The following FLRT1 variants were observed in gnomAD, a reference collection of about 807,000 sequenced individuals.
FLRT1 encodes fibronectin leucine rich transmembrane protein 1, also known as leucine-rich repeat transmembrane protein FLRT1.
A neutral mutation model predicts 30.9 loss-of-function variants in FLRT1; 14 were observed. The observed-to-expected ratio is 0.45, with a 90% CI of 0.30 to 0.71. The LOEUF is 0.71. Among genes scored for constraint, FLRT1 ranks in the 30% least tolerant of loss-of-function variants. The pLI, the probability that FLRT1 is intolerant of heterozygous loss-of-function variation, is 0.08. For missense variants in FLRT1, 737 were observed against 949.2 expected (o/e 0.78, Z 2.94); for synonymous variants, 368 against 430.4 (o/e 0.85, Z 1.80).
Position 64,041,199 on chromosome 11 carries a change from T to TAAAAAAAAAAAAAAAAA in FLRT1, c.-1038+5054_-1038+5070dup, listed in dbSNP as rs71045724. 5.1e-4 allele frequency among the ~76,000 whole-genome samples: 11 copies of TAAAAAAAAAAAAAAAAA among 21,606 alleles called. 2 individuals carry two copies. Among genetic ancestry groups the TAAAAAAAAAAAAAAAAA allele is most frequent in the South Asian group, 3.9e-3 (1 of 256 alleles). The allele number at this position is 21,606 out of a possible 152,430, so 14.2% of individuals were successfully genotyped here. A position where few individuals can be genotyped will look rare whatever the true frequency, so the allele number is the denominator to read the frequency against. ...AGATTACAACAGATTTAGCAAACTG[T>TAAAAAAAAAAAAAAAAA]AAAAAAAAAAAAAAAAAAAAAAAAA... On this transcript the variant is annotated intron_variant, in intron 1 of 2. Transcript: ENST00000682287.
Position 64,116,550 on chromosome 11 carries a change from A to C in FLRT1, c.283A>C (p.Asn95His). 1 of 1,613,956 alleles carries C rather than the reference A, an allele frequency of 6.2e-7. No homozygotes were observed. The highest frequency in any genetic ancestry group is 8.5e-7 in the Non-Finnish European group (1 of 1,179,946). The change falls in exon 3 of 3, where the codon AAC becomes CAC. Residue 95 changes from asparagine (N) to histidine (H), a missense_variant. Asn to His is a moderately conservative substitution (Grantham distance 68). Coordinates refer to ENST00000682287, the MANE Select transcript of FLRT1 (RefSeq NM_013280.5). ...CTACCTGCAGAACAACCAGATCAAC[A>C]ACGCCGGCATCCCCCAGGACCTCAA... ...TLYLQNNQIN[N>H]AGIPQDLKTK...
intron 1 of FLRT1, among the ~76,000 whole-genome samples, chr11:64,080,770 C>T (rs1944289132): frequency 6.6e-6 from 1 of 152,120 alleles, no homozygotes. Flanking sequence ...GCTTTTAGAG[C>T]CAGTGGTGCT....
At chr11:64,078,888 C>CA (rs1434140537) in intron 1 of FLRT1, among the ~76,000 whole-genome samples, 1 of 152,182 alleles carries the variant, frequency 6.6e-6, no homozygotes, top group African/African-American at 2.4e-5. Flanking sequence ...AGCGAGAACT[C>CA]AGAGTGGGAG....
intron 1 of FLRT1, among the ~76,000 whole-genome samples, chr11:64,081,313 C>T (rs762578806): frequency 3.9e-5 from 6 of 152,318 alleles, no homozygotes; most frequent in East Asian, 1.9e-4. Flanking sequence ...TGAGCCACCA[C>T]GCCCAGCCTA....
intron 1 of FLRT1, among the ~76,000 whole-genome samples, chr11:64,095,972 C>T (rs1590901340): frequency 2.9e-5 from 1 of 34,530 alleles, no homozygotes; most frequent in African/African-American, 5.6e-5. Context: ...CAGCAGTGGT[C>T]CCCCCACCCC....
chr11:64,089,170 G>A (rs1944446567), intron 1 of FLRT1, among the ~76,000 whole-genome samples: 1 of 152,212 alleles, frequency 6.6e-6, no homozygotes, highest in South Asian at 2.1e-4. Context: ...CACAGGGCGG[G>A]TCGGGGAGTG....
intron 2 of FLRT1, among the ~76,000 whole-genome samples, chr11:64,105,209 G>A (rs188174627): frequency 2.0e-5 from 3 of 152,330 alleles, no homozygotes; most frequent in East Asian, 1.9e-4. Context: ...TGCCTGAGCC[G>A]GAGCTGGGCT....
intron 1 of FLRT1, among the ~76,000 whole-genome samples, chr11:64,058,616 C>T (rs1245281221): frequency 6.6e-6 from 1 of 152,258 alleles, no homozygotes; most frequent in Non-Finnish European, 1.5e-5. Context: ...GGGCACGGCC[C>T]TGTAATTGGG....
chr11:64,083,767 G>T (rs1157347985), intron 1 of FLRT1, among the ~76,000 whole-genome samples: 3 of 152,174 alleles, frequency 2.0e-5, no homozygotes, highest in Admixed American at 6.5e-5. Context: ...CTCCTGAAGG[G>T]CCCCAGCCCC....
chr11:64,050,801 T>C (rs1943679109), intron 1 of FLRT1, among the ~76,000 whole-genome samples: 1 of 152,236 alleles, frequency 6.6e-6, no homozygotes, highest in Non-Finnish European at 1.5e-5. Context: ...GTATTTCTAG[T>C]TGAGATGGGG....
At chr11:64,058,679 C>T (rs117153959) in intron 1 of FLRT1, among the ~76,000 whole-genome samples, 4,011 of 152,368 alleles carry the variant, frequency 0.026, 85 homozygotes, top group Middle Eastern at 0.085. Context: ...CGCTCCACGC[C>T]GGCTGCAACC....
Position 64,118,390 on chromosome 11 carries a change from G to A in FLRT1, c.*98G>A, listed in dbSNP as rs775096323. On this transcript the variant is annotated 3_prime_UTR_variant, in exon 3 of 3. Coordinates refer to ENST00000682287, the MANE Select transcript of FLRT1 (RefSeq NM_013280.5). ...CTGCAATCCAAGAGAGCAAGGAAGAGAAATTCCATGGGTGACTTTCCTCCG... is the reference window on the plus strand; with the variant it reads ...CTGCAATCCAAGAGAGCAAGGAAGAAAAATTCCATGGGTGACTTTCCTCCG... 19 of 1,372,232 alleles carry A rather than the reference G, an allele frequency of 1.4e-5. No individual in the cohort carries two copies. The highest frequency in any genetic ancestry group is 1.8e-5 in the Non-Finnish European group (19 of 1,043,696). 85.0% of individuals were successfully genotyped at this position (1,372,232 alleles called of 1,614,324 possible).
In FLRT1 at chr11:64,117,951, G is replaced by A. The variant is rs764780926; in HGVS notation, c.1684G>A (p.Ala562Thr). Reference protein sequence around the residue: ...PLAGIIGGAVALVFLFLVLGA... With the variant: ...PLAGIIGGAVTLVFLFLVLGA... ...GGCGGGCATCATCGGCGGGGCAGTGGCTCTGGTCTTCCTCTTCCTGGTCCT... is the reference window on the plus strand; with the variant it reads ...GGCGGGCATCATCGGCGGGGCAGTGACTCTGGTCTTCCTCTTCCTGGTCCT... Residue 562 changes from alanine to threonine, a missense_variant, in exon 3 of 3, where the codon GCT becomes ACT. Physicochemically the swap from Ala to Thr is moderately conservative, Grantham distance 58. Coordinates refer to ENST00000682287, the MANE Select transcript of FLRT1 (RefSeq NM_013280.5). 9 of 1,613,578 alleles carry A rather than the reference G, an allele frequency of 5.6e-6. No homozygotes were observed. The African/African-American group carries it at 1.2e-4, about 22-fold the overall frequency.
At chr11:64,041,917 G>A (rs1304743938) in intron 1 of FLRT1, among the ~76,000 whole-genome samples, 4 of 152,176 alleles carry the variant, frequency 2.6e-5, no homozygotes, top group Non-Finnish European at 2.9e-5. Context: ...AGTGAGATTC[G>A]GTGGGCTGAG....
At chr11:64,114,648 T>C (rs568897901) in intron 2 of FLRT1, among the ~76,000 whole-genome samples, 8 of 150,896 alleles carry the variant, frequency 5.3e-5, no homozygotes, top group African/African-American at 1.5e-4. Context: ...AATGGATGGA[T>C]GGATGAATGG....
chr11:64,042,935 CTG>C (rs1943516316), intron 1 of FLRT1, among the ~76,000 whole-genome samples: 1 of 152,232 alleles, frequency 6.6e-6, no homozygotes, highest in African/African-American at 2.4e-5. Flanking sequence ...AGCAGGGAGA[CTG>C]AGGCACAGAG....
At position 64,117,060 on chromosome 11, in the gene FLRT1, C is replaced by T. The variant is rs763341717; in HGVS notation, c.793C>T (p.Leu265Phe). The change falls in exon 3 of 3, where the codon CTC (leucine) becomes TTC (phenylalanine). Residue 265 changes from leucine (L) to phenylalanine (F), a missense_variant. Leu to Phe is a conservative substitution (Grantham distance 22). Transcript: ENST00000682287. ...GCGCAATTCGCTGGCCGCGCCACCC[C>T]TCAACCTGCCCAGCGCCCACCTGCA... ...LVRNSLAAPP[L>F]NLPSAHLQKL... is the part of the protein sequence containing the mutation. 1 of 1,603,926 alleles carries T rather than the reference C, an allele frequency of 6.2e-7. No homozygotes were observed. The highest frequency in any genetic ancestry group is 2.3e-5 in the East Asian group (1 of 44,110).
rs1945031563 is a variant in FLRT1, at chr11:64,118,216, C to T, written c.1949C>T (p.Thr650Ile). The change falls in exon 3 of 3, where the codon ACA becomes ATA. Residue 650 changes from threonine (T) to isoleucine (I), a missense_variant. Physicochemically the swap from Thr to Ile is moderately conservative, Grantham distance 89. Transcript: ENST00000682287. ...AACGGCAGCAGCCTCTGCAAGGCCA[C>T]ACACACCATTGGCTACGGCACCACG... ...PSNGSSLCKATHTIGYGTTRG... is the reference protein window; with the variant it reads ...PSNGSSLCKAIHTIGYGTTRG... 3.1e-6 allele frequency: 5 copies of T among 1,613,160 alleles called. No homozygotes were observed. Among genetic ancestry groups the T allele is most frequent in the Non-Finnish European group, 4.2e-6 (5 of 1,179,770 alleles).
rs1212972131 is a variant in FLRT1 at position 64,117,814 on chromosome 11, A to G, written c.1547A>G (p.Tyr516Cys). 2 of 1,614,166 alleles carry G rather than the reference A, an allele frequency of 1.2e-6. No individual in the cohort carries two copies. The highest frequency in any genetic ancestry group is 1.7e-6 in the Non-Finnish European group (2 of 1,180,030). Reference sequence around the variant, plus strand: ...GTCACCATGGAGACCAGCAATGCCTACGTAGCTGATGAGACACCCGTGTGT... The same window carrying G: ...GTCACCATGGAGACCAGCAATGCCTGCGTAGCTGATGAGACACCCGTGTGT... The part of the protein sequence containing the change: ...CMVTMETSNA[Y>C]VADETPVCAK... The change falls in exon 3 of 3, where the codon TAC (tyrosine) becomes TGC (cysteine). Residue 516 changes from tyrosine to cysteine, a missense_variant. Transcript: ENST00000682287.
Sources: allele counts gnomAD v4.1 joint callset (sites outside exome capture counted in the v4.1 genomes callset), GRCh38; gene constraint gnomAD v4.1.1; transcripts MANE v1.5; gene names NCBI Gene and HGNC (gene_info 2026-07-23, HGNC 2026-07-21).